The following ATP6V0A2 variants were observed in gnomAD, a reference collection of about 807,000 sequenced individuals.
ATP6V0A2 encodes the protein ATPase H+ transporting V0 subunit a2.
ATP6V0A2 carries 58 observed loss-of-function variants against 104.4 expected under a neutral mutation model. The ratio of observed to expected loss-of-function variants is 0.56; its 90% confidence interval spans 0.45 to 0.69. The LOEUF is 0.69. Among genes scored for constraint, ATP6V0A2 ranks in the 30% least tolerant of loss-of-function variants. The pLI, the probability that ATP6V0A2 is intolerant of heterozygous loss-of-function variation, is 0.00. For missense variants in ATP6V0A2, 938 were observed against 1,062.9 expected, an observed-to-expected ratio of 0.88 and a Z score of 1.63; for synonymous variants, 376 against 397.9, an observed-to-expected ratio of 0.95 and a Z score of 0.65.
At chr12:123,737,763 TTC>T (rs1664448178) in intron 9 of ATP6V0A2, 1 of 173,202 alleles carries the variant, frequency 5.8e-6, no homozygotes, top group Non-Finnish European at 1.3e-5. Flanking sequence ...ATTACTTCAG[TTC>T]TGTTATTTCT....
chr12:123,747,404 C>T (rs934112281), intron 13 of ATP6V0A2, among the ~76,000 whole-genome samples: 4 of 152,096 alleles, frequency 2.6e-5, no homozygotes, highest in Non-Finnish European at 4.4e-5. Context: ...ACGTTAACAC[C>T]GATAAAATTG....
Position 123,744,451 on chromosome 12 carries a change from G to A in ATP6V0A2, c.1326+114G>A. The A allele has an allele frequency of 6.4e-7, 1 of 1,564,212 alleles. No individual in the cohort carries two copies. The highest frequency in any genetic ancestry group is 8.8e-7 in the Non-Finnish European group (1 of 1,139,348). On this transcript the variant is annotated intron_variant, in intron 11 of 19. Transcript: ENST00000330342. The surrounding 1 kb of genome is among the most constrained non-coding windows in gnomAD (Gnocchi z 5.4). ...GGCTGCGGCTGTGCTGGGCAGGTGT[G>A]TGGCCTGTCAGCTGCGGCTGACAGG...
chr12:123,754,653 C>T, intron 18 of ATP6V0A2, 116 bp downstream of exon 18: 1 of 764,044 alleles, frequency 1.3e-6, no homozygotes, highest in East Asian at 2.6e-5. Context: ...CTTTCAGCTG[C>T]CACGTGAACT....
At position 123,745,326 on chromosome 12, in the gene ATP6V0A2, G is replaced by A. The variant is rs368898255; in HGVS notation, c.1605+354G>A. Among the ~76,000 whole-genome samples, 5 of 152,270 alleles carry A rather than the reference G, an allele frequency of 3.3e-5. No individual in the cohort carries two copies. The South Asian group carries it at 6.2e-4, about 19-fold the overall frequency. ...TGAACTTTTAAAAACCCTTGATCTC[G>A]AAAGAAATGGTATGGAGTGTTAGAG... On this transcript the variant is annotated intron_variant, in intron 13 of 19. Transcript: ENST00000330342.
In ATP6V0A2 at chr12:123,748,706, T is replaced by C. The variant is rs759691777; in HGVS notation, c.1856T>C (p.Val619Ala). The stretch of plus-strand genomic sequence containing the variant: ...GTTTTTTCAGCAGAAACCTCCAGAG[T>C]TGCTCCCAGCATTCTGATTGAATTT... ...WLVFSAETSR[V>A]APSILIEFIN... Residue 619 changes from valine to alanine, a missense_variant, in exon 15 of 20, where the codon GTT becomes GCT. By Grantham distance (64) the Val-to-Ala change is moderately conservative. Transcript: ENST00000330342. 1.2e-6 allele frequency: 2 copies of C among 1,614,178 alleles called. No homozygotes were observed. The highest frequency in any genetic ancestry group is 1.1e-5 in the South Asian group (1 of 91,084).
At chr12:123,737,609 C>T (rs1956568139) in intron 9 of ATP6V0A2, 1 of 335,438 alleles carries the variant, frequency 3.0e-6, no homozygotes, top group South Asian at 2.6e-5. Flanking sequence ...TATGTGAGTA[C>T]ATGTGTTTTT....
In ATP6V0A2 at chr12:123,744,817, G is replaced by A. The variant is rs749891983; in HGVS notation, c.1514+33G>A. On this transcript the variant is annotated intron_variant, in intron 12 of 19. Coordinates refer to ENST00000330342, the MANE Select transcript of ATP6V0A2 (RefSeq NM_012463.4). This position sits in a 1 kb window ranked among gnomAD's most constrained non-coding sequence, Gnocchi z 5.4. Reference sequence around the variant, plus strand: ...TCCCATAGCTGGTGATGCTCTGGGTGGAAAGCATGTTTCCTAGACCTTCCT... The same window carrying A: ...TCCCATAGCTGGTGATGCTCTGGGTAGAAAGCATGTTTCCTAGACCTTCCT... 2 of 1,614,116 alleles carry A rather than the reference G, an allele frequency of 1.2e-6. No homozygotes were observed. The highest frequency in any genetic ancestry group is 2.2e-5 in the East Asian group (1 of 44,888).
chr12:123,751,261 T>C lies in ATP6V0A2; in HGVS notation c.2055+32T>C, dbSNP rs779991939. On this transcript the variant is annotated intron_variant, in intron 16 of 19. Transcript: ENST00000330342. ...GCGGGTTTGGATGCATTTACAACTG[T>C]GAGCAAAGCTTGCTTTCGGTTATAC... 53 of 1,614,090 alleles carry C rather than the reference T, an allele frequency of 3.3e-5. No individual in the cohort carries two copies. In the Admixed American group the frequency reaches 4.5e-4, roughly 14 times the overall value.
chr12:123,743,134 A>T (rs1956625070), intron 9 of ATP6V0A2, among the ~76,000 whole-genome samples: 1 of 152,102 alleles, frequency 6.6e-6, no homozygotes, highest in South Asian at 2.1e-4. Flanking sequence ...TCAGTGACTG[A>T]GCCGACTCCA....
rs75279884 is a variant in ATP6V0A2 at position 123,758,010 on chromosome 12, A to G, written c.2549A>G (p.Asn850Ser). The part of the protein sequence containing the change: ...FSFSLLSSKF[N>S]NDDSVA ...TTCAGTCTACTTTCATCAAAGTTCA[A>G]TAACGACGACAGTGTGGCATGATCA... The change falls in exon 20 of 20, where the codon AAT (asparagine) becomes AGT (serine). Residue 850 changes from asparagine (N) to serine (S), a missense_variant. Coordinates refer to ENST00000330342, the MANE Select transcript of ATP6V0A2 (RefSeq NM_012463.4). 0.016 allele frequency: 25,950 copies of G among 1,612,080 alleles called. 265 individuals carry two copies. Among genetic ancestry groups the G allele is most frequent in the Non-Finnish European group, 0.02 (23,229 of 1,178,458 alleles).
Position 123,712,902 on chromosome 12 carries a change from C to T in ATP6V0A2, c.117+220C>T, listed in dbSNP as rs1956306619. On this transcript the variant is annotated intron_variant, in intron 1 of 19. Coordinates refer to ENST00000330342, the MANE Select transcript of ATP6V0A2 (RefSeq NM_012463.4). ...GTCTGTGTGGTCGGCGGCTGCTCTG[C>T]CCCAGTTAGTTAGGATCGCCCGTGT... 2.0e-5 allele frequency among the ~76,000 whole-genome samples: 3 copies of T among 152,144 alleles called. No individual in the cohort carries two copies. In the South Asian group the frequency reaches 6.2e-4, roughly 31 times the overall value.
At position 123,758,019 on chromosome 12, in the gene ATP6V0A2, A is replaced by G. The variant is rs767971908; in HGVS notation, c.2558A>G (p.Asp853Gly). 2.8e-5 allele frequency: 45 copies of G among 1,610,164 alleles called. No homozygotes were observed. The highest frequency in any genetic ancestry group is 3.7e-5 in the Non-Finnish European group (44 of 1,176,688). ...SLLSSKFNND[D>G]SVA is the part of the protein sequence containing the mutation. ...CTTTCATCAAAGTTCAATAACGACG[A>G]CAGTGTGGCATGATCATATTGCTGT... The change falls in exon 20 of 20, where the codon GAC becomes GGC. Residue 853 changes from aspartate to glycine, a missense_variant. Coordinates refer to ENST00000330342, the MANE Select transcript of ATP6V0A2 (RefSeq NM_012463.4).
intron 9 of ATP6V0A2, among the ~76,000 whole-genome samples, chr12:123,740,864 C>T (rs750475209): frequency 2.0e-5 from 3 of 151,908 alleles, no homozygotes; most frequent in Admixed American, 6.6e-5. Flanking sequence ...TAATTTCTTT[C>T]TTTTTTTCCT....
intron 19 of ATP6V0A2, among the ~76,000 whole-genome samples, chr12:123,757,310 G>A (rs766472182): frequency 1.3e-5 from 2 of 152,004 alleles, no homozygotes; most frequent in East Asian, 1.9e-4. Flanking sequence ...GTGTGGTGTC[G>A]TGCGCCTATA....
At chr12:123,754,183 G>C in intron 17 of ATP6V0A2, 1 of 604,052 alleles carries the variant, frequency 1.7e-6, no homozygotes, top group Non-Finnish European at 3.0e-6. Context: ...CGTGCGGTGG[G>C]AGTGGGGCTG....
chr12:123,752,247 T>TAA, intron 16 of ATP6V0A2, 36 bp from the exon 17 acceptor site: 4 of 1,613,754 alleles, frequency 2.5e-6, no homozygotes, highest in South Asian at 1.1e-5. Flanking sequence ...CCTTGTGGTT[T>TAA]TACAGGCACT....
At chr12:123,743,979 G>T in intron 10 of ATP6V0A2, 44 bp downstream of exon 10, 1 of 1,610,792 alleles carries the variant, frequency 6.2e-7, no homozygotes, top group Non-Finnish European at 8.5e-7. Flanking sequence ...CAATGGCATT[G>T]TTGCATTCTT....
chr12:123,713,826 G>A (rs535883080), intron 1 of ATP6V0A2, among the ~76,000 whole-genome samples: 53 of 152,242 alleles, frequency 3.5e-4, no homozygotes, highest in Middle Eastern at 3.4e-3. Context: ...TTCCTAAGGT[G>A]TCCTTAATTT....
intron 9 of ATP6V0A2, among the ~76,000 whole-genome samples, chr12:123,741,322 G>A (rs575141140): frequency 2.0e-5 from 3 of 152,082 alleles, no homozygotes; most frequent in African/African-American, 4.8e-5. Context: ...ATGGTGGCAC[G>A]TGCCTGTTAT....
Sources: gnomAD v4.1 joint callset for allele counts (sites outside exome capture counted in the v4.1 genomes callset) on GRCh38, gnomAD v4.1.1 for gene constraint, Gnocchi (gnomAD v3.1) non-coding constraint, MANE v1.5 for transcripts, NCBI Gene and HGNC (gene_info 2026-07-23, HGNC 2026-07-21) for gene names.